Variants in RNF38 observed in about 807,000 individuals in gnomAD.
RNF38 encodes the protein ring finger protein 38.
In RNF38, 15 loss-of-function variants were observed where a neutral mutation model predicts 67.2. The ratio of observed to expected loss-of-function variants is 0.22; its 90% CI spans 0.15 to 0.34. The LOEUF (loss-of-function observed/expected upper bound fraction) is 0.34, where lower values mean the gene tolerates loss of function less well. RNF38 is among the 10% of genes least tolerant of loss of function. The probability of loss-of-function intolerance (pLI) is 1.00; values close to 1 mark genes in which losing one functional copy is unlikely to be tolerated. For synonymous variants in RNF38, 220 were observed against 218.8 expected (o/e 1.01, Z -0.05); for missense variants, 524 against 639.9 (o/e 0.82, Z 1.95).
chr9:36,476,600 T>G (rs902868289), intron 1 of RNF38, among the ~76,000 whole-genome samples: 1 of 148,324 alleles, frequency 6.7e-6, no homozygotes, highest in African/African-American at 2.5e-5. Flanking sequence ...CTTGGCTCAC[T>G]GCAACCTCCG....
chr9:36,465,817 G>A (rs1587190237), intron 1 of RNF38, among the ~76,000 whole-genome samples: 1 of 152,078 alleles, frequency 6.6e-6, no homozygotes, highest in South Asian at 2.1e-4. Flanking sequence ...TTGGGAGGCC[G>A]AGGCGGGTGG....
chr9:36,424,119 T>C (rs1016623551), intron 2 of RNF38, among the ~76,000 whole-genome samples: 16 of 152,126 alleles, frequency 1.1e-4, no homozygotes, highest in African/African-American at 3.6e-4. Context: ...ATGAACCAGA[T>C]CGATTCAACT....
At chr9:36,424,802 A>C (rs1394687372) in intron 1 of RNF38, 1 of 192,214 alleles carries the variant, frequency 5.2e-6, no homozygotes, top group African/African-American at 2.4e-5. Context: ...ATATAAGTAG[A>C]CACTGTGGGG....
At chr9:36,447,374 TG>T (rs1026946270) in intron 1 of RNF38, among the ~76,000 whole-genome samples, 3 of 152,174 alleles carry the variant, frequency 2.0e-5, no homozygotes, top group African/African-American at 7.2e-5. Flanking sequence ...AGGACAGTGC[TG>T]GGCACACAGT....
chr9:36,401,099 T>C (rs1838002773), upstream of RNF38: 5 of 983,280 alleles, frequency 5.1e-6, no homozygotes, highest in South Asian at 1.9e-4. Context: ...AGCACAAACC[T>C]AGCGAGCCCA....
At chr9:36,484,374 G>A (rs1428654985) in intron 1 of RNF38, among the ~76,000 whole-genome samples, 2 of 152,212 alleles carry the variant, frequency 1.3e-5, no homozygotes, top group South Asian at 2.1e-4. Context: ...CTAACAGGCT[G>A]CGCTAGGCTG....
At chr9:36,462,056 G>A (rs908926280) in intron 1 of RNF38, among the ~76,000 whole-genome samples, 10 of 152,168 alleles carry the variant, frequency 6.6e-5, no homozygotes, top group African/African-American at 2.2e-4. Context: ...CAAGGATTAT[G>A]AGATTACAGA....
intron 1 of RNF38, among the ~76,000 whole-genome samples, chr9:36,455,705 T>C (rs533706640): frequency 3.2e-4 from 47 of 148,412 alleles, no homozygotes; most frequent in Non-Finnish European, 5.8e-4. Flanking sequence ...GGGGCAGAGG[T>C]TGCAGTGAGC....
intron 2 of RNF38, among the ~76,000 whole-genome samples, chr9:36,385,728 T>A (rs889357059): frequency 6.6e-6 from 1 of 152,128 alleles, no homozygotes; most frequent in Admixed American, 6.5e-5. Context: ...AGAAGTATGC[T>A]CAGCAAATTG....
At chr9:36,400,478 G>A, upstream of RNF38, 1 of 1,017,802 alleles carries the variant, frequency 9.8e-7, no homozygotes, top group Non-Finnish European at 1.2e-6. Flanking sequence ...AGACTCGGGC[G>A]CGGCCCCGCA....
intron 1 of RNF38, among the ~76,000 whole-genome samples, chr9:36,472,833 C>T (rs1041057434): frequency 2.6e-5 from 4 of 152,124 alleles, no homozygotes; most frequent in South Asian, 4.1e-4. Context: ...GGGCTGGGTA[C>T]GGTGGCTCAT....
At chr9:36,396,740 G>C (rs948688732) in intron 1 of RNF38, among the ~76,000 whole-genome samples, 4 of 151,718 alleles carry the variant, frequency 2.6e-5, no homozygotes, top group African/African-American at 9.7e-5. Flanking sequence ...CTAATTGAAT[G>C]GAGTGAATTT....
At chr9:36,415,422 GT>G (rs200398811) in intron 2 of RNF38, among the ~76,000 whole-genome samples, 2 of 151,212 alleles carry the variant, frequency 1.3e-5, no homozygotes, top group African/African-American at 4.9e-5. Context: ...TCCGTATCTT[GT>G]TTTTTTTGTT....
chr9:36,475,755 C>T (rs78432063), intron 1 of RNF38, among the ~76,000 whole-genome samples: 4 of 151,074 alleles, frequency 2.6e-5, no homozygotes, highest in African/African-American at 4.9e-5. Context: ...CGGTGGCTCA[C>T]GCCTGTAATC....
chr9:36,397,374 A>G (rs1257786418), intron 1 of RNF38, among the ~76,000 whole-genome samples: 3 of 152,160 alleles, frequency 2.0e-5, no homozygotes, highest in African/African-American at 7.2e-5. Context: ...TCGGCCTCCC[A>G]AAGTGCTGGG....
rs1324406807 is a variant in RNF38, at chr9:36,351,165, T to G, written c.1213A>C (p.Thr405Pro). The change falls in exon 9 of 12, where the codon ACT (threonine) becomes CCT (proline). Residue 405 changes from threonine to proline, a missense_variant. Thr to Pro is a conservative substitution (Grantham distance 38, BLOSUM62 -1). Transcript: ENST00000259605. ...TCTACATCTAATTCAAAGCTGAAAG[T>G]TGGGCCCACTGCAGGTGGCACTGGA... ...MLPVPPAVGP[T>P]FSFELDVEDG... The G allele has an allele frequency of 3.7e-6, 6 of 1,613,272 alleles. No homozygotes were observed. The highest frequency in any genetic ancestry group is 1.1e-5 in the South Asian group (1 of 90,914).
intron 11 of RNF38, among the ~76,000 whole-genome samples, chr9:36,341,272 A>C (rs1832807004): frequency 6.6e-6 from 1 of 152,110 alleles, no homozygotes; most frequent in African/African-American, 2.4e-5. Flanking sequence ...TACACATATA[A>C]TGCTTTCCTT....
chr9:36,486,313 A>T (rs1840409770), intron 1 of RNF38, among the ~76,000 whole-genome samples: 1 of 152,128 alleles, frequency 6.6e-6, no homozygotes, highest in East Asian at 1.9e-4. Flanking sequence ...CCCATGTATT[A>T]CATGCCAGGC....
At chr9:36,486,999 C>T (rs959952070) in intron 1 of RNF38, among the ~76,000 whole-genome samples, 4 of 152,122 alleles carry the variant, frequency 2.6e-5, no homozygotes, top group Non-Finnish European at 5.9e-5. Context: ...CTCTCATTGG[C>T]TATGTGACCT....
Sources: allele counts gnomAD v4.1 joint callset (sites outside exome capture counted in the v4.1 genomes callset), GRCh38; gene constraint gnomAD v4.1.1; transcripts MANE v1.5; gene names NCBI Gene and HGNC (gene_info 2026-07-23, HGNC 2026-07-21).